CGNL1: variants seen among roughly 807,000 people sequenced by gnomAD.
CGNL1 encodes cingulin-like protein 1.
CGNL1 carries 132 observed loss-of-function variants against 141.2 expected under a neutral mutation model. The observed-to-expected ratio is 0.93, with a 90% confidence interval of 0.81 to 1.08. The LOEUF (loss-of-function observed/expected upper bound fraction) is 1.08, where lower values mean the gene tolerates loss of function less well. CGNL1 is among the 50% of genes least tolerant of loss of function. The pLI is 0.00. For missense variants in CGNL1, 1,870 were observed against 1,588.6 expected (o/e 1.18, Z -3.01); for synonymous variants, 690 against 622.1 (o/e 1.11, Z -1.63).
Position 57,385,810 on chromosome 15 carries a change from T to C in CGNL1, c.-16+9243T>C, listed in dbSNP as rs1365687671. 2.0e-5 allele frequency among the ~76,000 whole-genome samples: 3 copies of C among 152,348 alleles called. No homozygotes were observed. The East Asian group carries it at 5.8e-4, about 29-fold the overall frequency. On this transcript the variant is annotated intron_variant, in intron 1 of 18. Transcript: ENST00000281282. ...TAGTTATGACTGGGGTGGTGATGGC[T>C]CCTGGCATCTAATGGGCCAAGGCCA... is the stretch of plus-strand genomic sequence containing the variant.
At chr15:57,500,303 G>GTGTT (rs2064004805) in intron 8 of CGNL1, among the ~76,000 whole-genome samples, 2 of 152,200 alleles carry the variant, frequency 1.3e-5, no homozygotes, top group African/African-American at 2.4e-5. Flanking sequence ...GAGAGGCCGT[G>GTGTT]TGTTGGGAAT....
At chr15:57,536,131 GC>G (rs2032245797) in intron 14 of CGNL1, among the ~76,000 whole-genome samples, 2 of 152,184 alleles carry the variant, frequency 1.3e-5, no homozygotes, top group Admixed American at 1.3e-4. Flanking sequence ...ATGGCGGCAG[GC>G]AAAAGAGTGT....
intron 1 of CGNL1, among the ~76,000 whole-genome samples, chr15:57,411,863 G>A (rs2062792257): frequency 6.6e-6 from 1 of 152,036 alleles, no homozygotes; most frequent in Non-Finnish European, 1.5e-5. Flanking sequence ...CTCACTGAGA[G>A]CCTTGGTGCT....
chr15:57,488,530 G>A (rs1267966606), intron 8 of CGNL1, among the ~76,000 whole-genome samples: 1 of 152,140 alleles, frequency 6.6e-6, no homozygotes, highest in South Asian at 2.1e-4. Context: ...CTGGTGTAGG[G>A]ACTGCTTCTA....
intron 13 of CGNL1, 94 bp from the exon 14 acceptor site, chr15:57,531,596 T>C: frequency 1.3e-6 from 1 of 783,320 alleles, no homozygotes; most frequent in East Asian, 2.5e-5. Context: ...TTAGCTCTCA[T>C]TTGCCCTTAG....
chr15:57,431,841 C>T (rs2063048955), intron 1 of CGNL1, among the ~76,000 whole-genome samples: 1 of 152,078 alleles, frequency 6.6e-6, no homozygotes, highest in Non-Finnish European at 1.5e-5. Context: ...AAAGATTGGC[C>T]ACCCCGGATT....
Position 57,400,362 on chromosome 15 carries a change from T to C in CGNL1, c.-16+23795T>C, listed in dbSNP as rs77062209. ...TCTGTAACTGATACTGTTAGCAGCTTATGCTTTTGTTGCTTCTACTTGGCT... is the reference window on the plus strand; with the variant it reads ...TCTGTAACTGATACTGTTAGCAGCTCATGCTTTTGTTGCTTCTACTTGGCT... On this transcript the variant is annotated intron_variant, in intron 1 of 18. Coordinates refer to ENST00000281282, the MANE Select transcript of CGNL1 (RefSeq NM_032866.5). Among the ~76,000 whole-genome samples the C allele has an allele frequency of 6.3e-3, 964 of 152,300 alleles. 6 individuals carry two copies. The highest frequency in any genetic ancestry group is 0.022 in the African/African-American group (933 of 41,562).
chr15:57,434,825 C>G (rs780924932), intron 1 of CGNL1, among the ~76,000 whole-genome samples: 1 of 152,144 alleles, frequency 6.6e-6, no homozygotes, highest in Admixed American at 6.5e-5. Flanking sequence ...AGACATTTTT[C>G]AAAATACAAG....
rs989342219 is a variant in CGNL1, at chr15:57,549,267, C to T, written c.*1777C>T. 6.8e-4 allele frequency: 90 copies of T among 131,618 alleles called. 1 individual carries two copies. The highest frequency in any genetic ancestry group is 3.5e-3 in the African/African-American group (88 of 25,280). 8.2% of individuals were successfully genotyped at this position (131,618 alleles called of 1,614,324 possible). A position where few individuals can be genotyped will look rare whatever the true frequency, so the allele number is the denominator to read the frequency against. On this transcript the variant is annotated 3_prime_UTR_variant, in exon 19 of 19. Coordinates refer to ENST00000281282, the MANE Select transcript of CGNL1 (RefSeq NM_032866.5). ...GTCAGAATATGGGACAGGACATGGTCAGGGAGAGGACCCTGTGAGTTGGTG... is the reference window on the plus strand; with the variant it reads ...GTCAGAATATGGGACAGGACATGGTTAGGGAGAGGACCCTGTGAGTTGGTG...
chr15:57,517,013 C>G, intron 9 of CGNL1, 27 bp downstream of exon 9: 3 of 1,597,188 alleles, frequency 1.9e-6, no homozygotes, highest in Non-Finnish European at 2.6e-6. Flanking sequence ...CCAGGCCCAG[C>G]TTTGGCAGCT....
intron 8 of CGNL1, among the ~76,000 whole-genome samples, chr15:57,492,430 A>C (rs2063878373): frequency 2.0e-5 from 3 of 152,212 alleles, no homozygotes; most frequent in African/African-American, 7.2e-5. Context: ...TGAGCAATAG[A>C]TTTGCAACTT....
intron 14 of CGNL1, among the ~76,000 whole-genome samples, chr15:57,533,419 G>A (rs1323229740): frequency 6.6e-6 from 1 of 152,146 alleles, no homozygotes; most frequent in Non-Finnish European, 1.5e-5. Context: ...GTTTTGTGAT[G>A]AGCCCCTGCC....
chr15:57,420,064 T>C (rs2062896490), intron 1 of CGNL1, among the ~76,000 whole-genome samples: 1 of 152,354 alleles, frequency 6.6e-6, no homozygotes, highest in South Asian at 2.1e-4. Flanking sequence ...CCCTTTGATA[T>C]ACCTTAATCA....
rs568660595 is a variant in CGNL1, at chr15:57,413,898, T to G, written c.-15-24087T>G. 1.1e-4 allele frequency among the ~76,000 whole-genome samples: 16 copies of G among 152,310 alleles called. No individual in the cohort carries two copies. In the East Asian group the frequency reaches 2.9e-3, roughly 28 times the overall value. On this transcript the variant is annotated intron_variant, in intron 1 of 18. Transcript: ENST00000281282. ...TTTACAGGGAACATTCTGTGGCTCT[T>G]TCAAGGAGATGCCTCCAGAGCCCCA...
intron 1 of CGNL1, among the ~76,000 whole-genome samples, chr15:57,413,496 G>C (rs1237820023): frequency 6.6e-6 from 1 of 152,030 alleles, no homozygotes; most frequent in African/African-American, 2.4e-5. Context: ...GGGTTGCCCA[G>C]GCTAGTCTGG....
intron 1 of CGNL1, among the ~76,000 whole-genome samples, chr15:57,428,993 A>G (rs1312428276): frequency 6.6e-6 from 1 of 152,114 alleles, no homozygotes; most frequent in Non-Finnish European, 1.5e-5. Flanking sequence ...ACTGCACTCC[A>G]GCCTGGCGAC....
At chr15:57,475,636 C>G (rs2063645787) in intron 8 of CGNL1, among the ~76,000 whole-genome samples, 1 of 150,428 alleles carries the variant, frequency 6.6e-6, no homozygotes, top group South Asian at 2.2e-4. Flanking sequence ...CACACCACAT[C>G]TCTGATCCCA....
chr15:57,438,439 G>A lies in CGNL1; in HGVS notation c.440G>A (p.Arg147Lys), dbSNP rs375591961. 6.2e-7 allele frequency: 1 copy of A among 1,614,188 alleles called. No individual in the cohort carries two copies. The highest frequency in any genetic ancestry group is 2.2e-5 in the East Asian group (1 of 44,884). ...VKPSHLLNFQ[R>K]HPELLQPYDP... is the part of the protein sequence containing the mutation. Reference sequence around the variant, plus strand: ...CCATCTCACCTGCTGAACTTTCAGAGGCATCCAGAGCTTTTGCAACCCTAT... The same window carrying A: ...CCATCTCACCTGCTGAACTTTCAGAAGCATCCAGAGCTTTTGCAACCCTAT... Residue 147 changes from arginine to lysine, a missense_variant, in exon 2 of 19, where the codon AGG becomes AAG. Arg to Lys is a conservative substitution (Grantham distance 26). Coordinates refer to ENST00000281282, the MANE Select transcript of CGNL1 (RefSeq NM_032866.5).
At chr15:57,421,573 T>C (rs1039983731) in intron 1 of CGNL1, among the ~76,000 whole-genome samples, 2 of 152,118 alleles carry the variant, frequency 1.3e-5, no homozygotes, top group Non-Finnish European at 2.9e-5. Context: ...GGAGAATGTT[T>C]CTCAGTGGAA....
Sources: allele counts gnomAD v4.1 joint callset (sites outside exome capture counted in the v4.1 genomes callset), GRCh38; gene constraint gnomAD v4.1.1; transcripts MANE v1.5; gene names NCBI Gene and HGNC (gene_info 2026-07-23, HGNC 2026-07-21).